The following ADD3 variants were observed in gnomAD, a reference collection of about 807,000 sequenced individuals.
ADD3 encodes gamma-adducin.
ADD3 carries 25 observed loss-of-function variants against 80.2 expected under a neutral mutation model. That is an observed-to-expected ratio of 0.31 (90% CI 0.23 to 0.44). ADD3 has a LOEUF of 0.44. Among genes scored for constraint, ADD3 ranks in the 20% least tolerant of loss-of-function variants. The pLI, the probability that ADD3 is intolerant of heterozygous loss-of-function variation, is 1.00. For missense variants in ADD3, 829 were observed against 847.5 expected, an observed-to-expected ratio of 0.98 and a Z score of 0.27; for synonymous variants, 284 against 289.6, an observed-to-expected ratio of 0.98 and a Z score of 0.20.
At chr10:110,006,482 T>C (rs1382771871), upstream of ADD3, among the ~76,000 whole-genome samples, 2 of 152,142 alleles carry the variant, frequency 1.3e-5, no homozygotes, top group African/African-American at 2.4e-5. Context: ...CCAAATAAAA[T>C]GTCAGGCTGA....
chr10:110,059,626 G>A (rs535879659), intron 1 of ADD3, among the ~76,000 whole-genome samples: 36 of 152,010 alleles, frequency 2.4e-4, no homozygotes, highest in African/African-American at 5.8e-4. Flanking sequence ...AAAATTAGCC[G>A]GGCGTGGTGG....
intron 2 of ADD3, among the ~76,000 whole-genome samples, chr10:110,105,646 G>T (rs1849322113): frequency 6.6e-6 from 1 of 152,212 alleles, no homozygotes; most frequent in Non-Finnish European, 1.5e-5. Context: ...GTATGTGGTG[G>T]TAGCCTGGGC....
intron 1 of ADD3, among the ~76,000 whole-genome samples, chr10:110,070,078 T>G (rs1844476479): frequency 6.6e-6 from 1 of 152,232 alleles, no homozygotes; most frequent in Non-Finnish European, 1.5e-5. Flanking sequence ...TTTTTTAATC[T>G]TTTTCCTCTT....
At chr10:110,133,220 A>C in intron 14 of ADD3, 106 bp from the exon 15 acceptor site, 1 of 1,122,380 alleles carries the variant, frequency 8.9e-7, no homozygotes, top group Non-Finnish European at 1.2e-6. Flanking sequence ...CTTCATTGGA[A>C]TCAAAGTAAT....
chr10:110,007,455 G>C (rs1428796058), upstream of ADD3, among the ~76,000 whole-genome samples: 15 of 152,250 alleles, frequency 9.9e-5, no homozygotes, highest in Non-Finnish European at 1.8e-4. Flanking sequence ...CTGACTCAAA[G>C]CGGCGGCTCA....
intron 1 of ADD3, among the ~76,000 whole-genome samples, chr10:110,025,147 C>T (rs1395839412): frequency 3.3e-5 from 5 of 151,996 alleles, no homozygotes; most frequent in African/African-American, 1.2e-4. Flanking sequence ...CCACCCACCT[C>T]GGCCTCCCAA....
chr10:110,015,893 A>G (rs1852931864), intron 1 of ADD3, among the ~76,000 whole-genome samples: 1 of 152,208 alleles, frequency 6.6e-6, no homozygotes, highest in Non-Finnish European at 1.5e-5. Flanking sequence ...AGCAGAATGT[A>G]ATAGGGAAGG....
chr10:110,039,677 T>C (rs1318680882), intron 1 of ADD3, among the ~76,000 whole-genome samples: 1 of 152,218 alleles, frequency 6.6e-6, no homozygotes, highest in African/African-American at 2.4e-5. Flanking sequence ...TCACAGTTTC[T>C]GTGGAGCAGG....
At chr10:110,093,695 T>C (rs1427249950) in intron 1 of ADD3, among the ~76,000 whole-genome samples, 1 of 152,230 alleles carries the variant, frequency 6.6e-6, no homozygotes, top group African/African-American at 2.4e-5. Flanking sequence ...CATTTTATTA[T>C]ACCATTTATC....
At chr10:110,056,599 T>C (rs898746786) in intron 1 of ADD3, among the ~76,000 whole-genome samples, 1 of 152,196 alleles carries the variant, frequency 6.6e-6, no homozygotes, top group Non-Finnish European at 1.5e-5. Context: ...ACAAAATAAT[T>C]ACAGGACTTG....
In ADD3 at chr10:110,117,328, G is replaced by T. The variant is rs1565011202; in HGVS notation, c.487-14G>T. 13 of 1,421,020 alleles carry T rather than the reference G, an allele frequency of 9.1e-6. No homozygotes were observed. The highest frequency in any genetic ancestry group is 1.1e-5 in the Non-Finnish European group (11 of 1,018,546). The allele number at this position is 1,421,020 out of a possible 1,614,324, so 88.0% of individuals were successfully genotyped here. On this transcript the variant is annotated splice_polypyrimidine_tract_variant and intron_variant, in intron 4 of 14. Coordinates refer to ENST00000356080, the MANE Select transcript of ADD3 (RefSeq NM_016824.5). ...AACCACTTCATAGTAATTCCCTGTT[G>T]TTTTTTTTTCCAGGTAAGAATAAGT...
chr10:110,079,455 AGAGAGAGTGTGTGTGT>A (rs1466280944), intron 1 of ADD3, among the ~76,000 whole-genome samples: 65 of 125,560 alleles, frequency 5.2e-4, no homozygotes, highest in African/African-American at 2.2e-3. Flanking sequence ...AGAGAGAGAG[AGAGAGAGTGTGTGTGT>A]GTGTGTGTGT....
At chr10:110,074,635 A>T (rs1393654028) in intron 1 of ADD3, among the ~76,000 whole-genome samples, 1 of 152,080 alleles carries the variant, frequency 6.6e-6, no homozygotes, top group African/African-American at 2.4e-5. Context: ...TGTTTTTAAA[A>T]TGCTATCTTT....
intron 1 of ADD3, among the ~76,000 whole-genome samples, chr10:110,053,352 T>A (rs981218793): frequency 2.0e-5 from 3 of 152,062 alleles, no homozygotes; most frequent in Non-Finnish European, 4.4e-5. Context: ...TACTTTTCAT[T>A]GAACATTTCT....
intron 2 of ADD3, among the ~76,000 whole-genome samples, chr10:110,104,011 T>G (rs969202780): frequency 3.9e-5 from 6 of 152,180 alleles, no homozygotes; most frequent in Non-Finnish European, 8.8e-5. Flanking sequence ...ATCCAGAATC[T>G]CATCATCTAA....
chr10:110,090,497 A>G (rs927699104), intron 1 of ADD3, among the ~76,000 whole-genome samples: 2 of 152,186 alleles, frequency 1.3e-5, no homozygotes, highest in Middle Eastern at 3.2e-3. Context: ...CTGGGATTAC[A>G]GGTGTGAGCC....
intron 1 of ADD3, among the ~76,000 whole-genome samples, chr10:110,016,029 G>A (rs775997454): frequency 4.6e-5 from 7 of 152,160 alleles, no homozygotes; most frequent in Non-Finnish European, 1.0e-4. Flanking sequence ...TAATCTAAAC[G>A]TCCCTGTGCT....
At chr10:110,095,932 T>C (rs1200303387) in intron 1 of ADD3, among the ~76,000 whole-genome samples, 1 of 152,198 alleles carries the variant, frequency 6.6e-6, no homozygotes, top group African/African-American at 2.4e-5. Flanking sequence ...AATGGATTAG[T>C]GGTTGCTGCT....
intron 1 of ADD3, among the ~76,000 whole-genome samples, chr10:110,067,110 A>T (rs1049347984): frequency 1.6e-4 from 25 of 152,172 alleles, no homozygotes; most frequent in African/African-American, 4.1e-4. Context: ...AGTGCCTTTT[A>T]AAAAAATTCC....
Sources: allele counts gnomAD v4.1 joint callset (sites outside exome capture counted in the v4.1 genomes callset), GRCh38; gene constraint gnomAD v4.1.1; transcripts MANE v1.5; gene names NCBI Gene and HGNC (gene_info 2026-07-23, HGNC 2026-07-21).